The following ATP8A1 variants were observed in gnomAD, a reference collection of about 807,000 sequenced individuals.
The protein encoded by ATP8A1 is phospholipid-transporting ATPase IA.
In ATP8A1, 90 loss-of-function variants were observed where a neutral mutation model predicts 177.7. That is an observed-to-expected ratio of 0.51 (90% confidence interval 0.43 to 0.60). The LOEUF (loss-of-function observed/expected upper bound fraction) is 0.60. Ranked by LOEUF, ATP8A1 falls within the 20% of genes least tolerant of loss-of-function variation. The pLI is 0.00. For synonymous variants in ATP8A1, 493 were observed against 485.9 expected, an observed-to-expected ratio of 1.01 and a Z score of -0.19; for missense variants, 1,072 against 1,392.8, an observed-to-expected ratio of 0.77 and a Z score of 3.67.
At chr4:42,635,782 CATATAT>C (rs764452182) in intron 1 of ATP8A1, among the ~76,000 whole-genome samples, 1,041 of 51,974 alleles carry the variant, frequency 0.02, 27 homozygotes, top group African/African-American at 0.058. Flanking sequence ...CACACACACA[CATATAT>C]ATATATATAT....
chr4:42,422,935 T>C lies in ATP8A1; in HGVS notation c.3213-36A>G, dbSNP rs370470283. On this transcript the variant is annotated intron_variant, in intron 34 of 36. Transcript: ENST00000381668. ...AAAAAAAAAGGGATTTGCATGGAAA[T>C]ACTTCTGTGAAGATTTTACAAAACT... The C allele has an allele frequency of 3.9e-6, 6 of 1,527,280 alleles. No homozygotes were observed. In the African/African-American group the frequency reaches 6.9e-5, roughly 17 times the overall value. 94.6% of individuals were successfully genotyped at this position (1,527,280 alleles called of 1,614,324 possible). A position where few individuals can be genotyped will look rare whatever the true frequency, so the allele number is the denominator to read the frequency against.
At chr4:42,518,043 T>C (rs1725736972) in intron 22 of ATP8A1, among the ~76,000 whole-genome samples, 2 of 152,142 alleles carry the variant, frequency 1.3e-5, no homozygotes, top group Non-Finnish European at 2.9e-5. Flanking sequence ...TGTATATTTT[T>C]GGTCTATTTG....
Position 42,522,152 on chromosome 4 carries a change from C to T in ATP8A1, c.1947+8G>A. On this transcript the variant is annotated splice_region_variant and intron_variant, in intron 22 of 36. Coordinates refer to ENST00000381668, the MANE Select transcript of ATP8A1 (RefSeq NM_006095.2). Reference sequence around the variant, plus strand: ...CCCTCTGTATGATCAACAGAATCATCCACGTACCTTTTCAATCAACTCATA... The same window carrying T: ...CCCTCTGTATGATCAACAGAATCATTCACGTACCTTTTCAATCAACTCATA... 1 of 1,604,720 alleles carries T rather than the reference C, an allele frequency of 6.2e-7. No individual in the cohort carries two copies.
At chr4:42,653,655 G>T (rs1741336455) in intron 1 of ATP8A1, among the ~76,000 whole-genome samples, 1 of 152,140 alleles carries the variant, frequency 6.6e-6, no homozygotes, top group Non-Finnish European at 1.5e-5. Context: ...CCCTTATAAC[G>T]ATGTGGCCCC....
At chr4:42,446,952 GTAA>G (rs1717336685) in intron 30 of ATP8A1, among the ~76,000 whole-genome samples, 1 of 151,902 alleles carries the variant, frequency 6.6e-6, no homozygotes, top group African/African-American at 2.4e-5. Flanking sequence ...ATTCTGGATC[GTAA>G]TAAAGAACTC....
At chr4:42,577,041 C>T (rs968239613) in intron 12 of ATP8A1, among the ~76,000 whole-genome samples, 8 of 152,104 alleles carry the variant, frequency 5.3e-5, no homozygotes, top group Admixed American at 4.6e-4. Context: ...TAAAAGAAGG[C>T]TGGAAAGTCA....
At chr4:42,647,707 T>C (rs1403406436) in intron 1 of ATP8A1, among the ~76,000 whole-genome samples, 3 of 152,086 alleles carry the variant, frequency 2.0e-5, no homozygotes, top group Non-Finnish European at 2.9e-5. Flanking sequence ...AAATGCTGAT[T>C]TGTAAGTAGA....
chr4:42,585,017 C>A (rs996545171), intron 9 of ATP8A1, among the ~76,000 whole-genome samples: 2 of 152,104 alleles, frequency 1.3e-5, no homozygotes, highest in Admixed American at 6.5e-5. Context: ...ACCACACTGC[C>A]CTAACATTCC....
At chr4:42,654,950 G>A (rs1471379855) in intron 1 of ATP8A1, among the ~76,000 whole-genome samples, 2 of 152,188 alleles carry the variant, frequency 1.3e-5, no homozygotes, top group African/African-American at 2.4e-5. Context: ...AGCAGGCAAT[G>A]AGCCACAACG....
At chr4:42,476,277 C>A (rs1369581252) in intron 25 of ATP8A1, among the ~76,000 whole-genome samples, 1 of 152,008 alleles carries the variant, frequency 6.6e-6, no homozygotes, top group African/African-American at 2.4e-5. Flanking sequence ...AAATAAACTC[C>A]ATATGTGTAA....
intron 9 of ATP8A1, among the ~76,000 whole-genome samples, chr4:42,584,467 G>C (rs1349953229): frequency 1.3e-5 from 2 of 152,108 alleles, no homozygotes; most frequent in African/African-American, 4.8e-5. Flanking sequence ...ATCTCCACTT[G>C]CCAAACGTAA....
chr4:42,540,738 C>A (rs1728306224), intron 20 of ATP8A1, among the ~76,000 whole-genome samples: 1 of 151,802 alleles, frequency 6.6e-6, no homozygotes, highest in Admixed American at 6.6e-5. Context: ...AAAATATGAT[C>A]ACATAGAGGT....
intron 23 of ATP8A1, among the ~76,000 whole-genome samples, chr4:42,504,502 C>T (rs2153193663): frequency 6.6e-6 from 1 of 152,378 alleles, no homozygotes; most frequent in Non-Finnish European, 1.5e-5. Context: ...ATCTATCAGT[C>T]AATCTTGTTG....
chr4:42,410,375 T>A lies in ATP8A1; in HGVS notation c.*2541A>T, dbSNP rs1221971463. 1 of 152,222 alleles carries A rather than the reference T, an allele frequency of 6.6e-6. No individual in the cohort carries two copies. Among genetic ancestry groups the A allele is most frequent in the Non-Finnish European group, 1.5e-5 (1 of 68,028 alleles). 9.4% of individuals were successfully genotyped at this position (152,222 alleles called of 1,614,324 possible). A position where few individuals can be genotyped will look rare whatever the true frequency, so the allele number is the denominator to read the frequency against. ...GCCAGAGTCCCTATAAGGAACTTTTTAATTGAAGAGTACGTGCCCTTTATT... is the reference window on the plus strand; with the variant it reads ...GCCAGAGTCCCTATAAGGAACTTTTAAATTGAAGAGTACGTGCCCTTTATT... On this transcript the variant is annotated 3_prime_UTR_variant, in exon 37 of 37. Transcript: ENST00000381668.
intron 1 of ATP8A1, among the ~76,000 whole-genome samples, chr4:42,635,782 C>CACATATATATATATATATATATATAT (rs1553920597): frequency 9.6e-5 from 5 of 51,976 alleles, no homozygotes; most frequent in Admixed American, 2.1e-4. Context: ...CACACACACA[C>CACATATATATATATATATATATATAT]ATATATATAT....
intron 4 of ATP8A1, among the ~76,000 whole-genome samples, chr4:42,616,552 A>G (rs1050157037): frequency 5.9e-5 from 9 of 152,214 alleles, no homozygotes; most frequent in African/African-American, 2.2e-4. Flanking sequence ...CATCCTCTAT[A>G]ATTTAATGAT....
At chr4:42,494,153 A>G (rs1022726380) in intron 24 of ATP8A1, among the ~76,000 whole-genome samples, 3 of 117,018 alleles carry the variant, frequency 2.6e-5, no homozygotes, top group African/African-American at 3.5e-5. Context: ...GTGAGCCAAG[A>G]TCATGCCACA....
Position 42,522,143 on chromosome 4 carries a change from C to T in ATP8A1, c.1947+17G>A. 1 of 1,593,574 alleles carries T rather than the reference C, an allele frequency of 6.3e-7. No individual in the cohort carries two copies. The highest frequency in any genetic ancestry group is 8.5e-7 in the Non-Finnish European group (1 of 1,174,394). On this transcript the variant is annotated intron_variant, in intron 22 of 36. Transcript: ENST00000381668. Reference sequence around the variant, plus strand: ...GAAACCAAACCCTCTGTATGATCAACAGAATCATCCACGTACCTTTTCAAT... The same window carrying T: ...GAAACCAAACCCTCTGTATGATCAATAGAATCATCCACGTACCTTTTCAAT...
Position 42,543,375 on chromosome 4 carries a change from C to T in ATP8A1, c.1722+542G>A, listed in dbSNP as rs996885644. ...GGGCCCTGGTCAGATTTCTCATTTT[C>T]CCATGAGTATAAATATATTTAACTG... On this transcript the variant is annotated intron_variant, in intron 20 of 36. Transcript: ENST00000381668. 2.1e-4 allele frequency among the ~76,000 whole-genome samples: 32 copies of T among 152,154 alleles called. 1 individual carries two copies. The highest frequency in any genetic ancestry group is 7.5e-4 in the African/African-American group (31 of 41,532).
Sources: allele counts gnomAD v4.1 joint callset (sites outside exome capture counted in the v4.1 genomes callset), GRCh38; gene constraint gnomAD v4.1.1; transcripts MANE v1.5; gene names NCBI Gene and HGNC (gene_info 2026-07-23, HGNC 2026-07-21).